ODAD4: variants seen among roughly 807,000 people sequenced by gnomAD.
ODAD4 encodes the protein outer dynein arm-docking complex subunit 4.
Under a neutral mutation model 51.8 loss-of-function variants are expected in ODAD4, and 49 were observed. The ratio of observed to expected loss-of-function variants is 0.95; its 90% confidence interval spans 0.75 to 1.20. The LOEUF (loss-of-function observed/expected upper bound fraction) is 1.20. Among genes scored for constraint, ODAD4 ranks in the 50% most tolerant of loss-of-function variants. The pLI is 0.00. For synonymous variants in ODAD4, 235 were observed against 221.3 expected, an observed-to-expected ratio of 1.06 and a Z score of -0.55; for missense variants, 590 against 586.5, an observed-to-expected ratio of 1.01 and a Z score of -0.06.
Position 41,966,110 on chromosome 17 carries a change from A to G in ODAD4, c.*627A>G, listed in dbSNP as rs2050883380. Among the ~76,000 whole-genome samples the G allele has an allele frequency of 6.6e-6, 1 of 152,216 alleles. No individual in the cohort carries two copies. Among genetic ancestry groups the G allele is most frequent in the South Asian group, 2.1e-4 (1 of 4,826 alleles). ...GATACCTGCCTCAGGGGTTGCTGCG[A>G]GGACTGAGTGCTTAGCACAGCACTT... On this transcript the variant is annotated 3_prime_UTR_variant, in exon 12 of 12. Coordinates refer to ENST00000377540, the MANE Select transcript of ODAD4 (RefSeq NM_031421.5).
intron 11 of ODAD4, among the ~76,000 whole-genome samples, chr17:41,962,836 G>A (rs2050823819): frequency 6.6e-6 from 1 of 152,226 alleles, no homozygotes; most frequent in Admixed American, 6.5e-5. Context: ...AGAGCCCAAT[G>A]CAGATTCTTG....
chr17:41,936,687 A>G lies in ODAD4; in HGVS notation c.460-75A>G, dbSNP rs2050432578. 7.6e-6 allele frequency: 12 copies of G among 1,575,692 alleles called. No individual in the cohort carries two copies. In the South Asian group the frequency reaches 1.1e-4, roughly 15 times the overall value. On this transcript the variant is annotated intron_variant, in intron 4 of 11. Transcript: ENST00000377540. ...CCTGGAGTTGGAGGAATCTGGGATC[A>G]CAGACCCTAGGGCCATGGCTGGGTA...
intron 8 of ODAD4, among the ~76,000 whole-genome samples, chr17:41,947,950 T>A (rs2050609472): frequency 6.7e-6 from 1 of 149,124 alleles, no homozygotes; most frequent in African/African-American, 2.5e-5. Flanking sequence ...GAAACCCCGT[T>A]TCTACTAAAA....
chr17:41,942,812 G>A lies in ODAD4; in HGVS notation c.1059-2324G>A, dbSNP rs539836211. On this transcript the variant is annotated intron_variant, in intron 7 of 11. Coordinates refer to ENST00000377540, the MANE Select transcript of ODAD4 (RefSeq NM_031421.5). ...GTCTGGATGCCATGCCTCGAAACCG[G>A]TTCAGCCCTCAGGCACTGAGGCCCA... Among the ~76,000 whole-genome samples, 3 of 152,308 alleles carry A rather than the reference G, an allele frequency of 2.0e-5. No individual in the cohort carries two copies. In the South Asian group the frequency reaches 6.2e-4, roughly 32 times the overall value.
chr17:41,950,351 G>A (rs1333661175), intron 9 of ODAD4, among the ~76,000 whole-genome samples: 4 of 151,742 alleles, frequency 2.6e-5, no homozygotes, highest in East Asian at 1.9e-4. Flanking sequence ...GGCACAGAGA[G>A]GTCCAGTAGA....
chr17:41,950,902 G>A lies in ODAD4; in HGVS notation c.1342+1553G>A, dbSNP rs1455934464. On this transcript the variant is annotated intron_variant, in intron 9 of 11. Transcript: ENST00000377540. ...TTTTTTGTATTTTTGTAGAGATGGG[G>A]TTTCACCATGTTGGTCAGGCTGGTC... 1.2e-3 allele frequency among the ~76,000 whole-genome samples: 185 copies of A among 150,594 alleles called. 1 individual carries two copies. Among genetic ancestry groups the A allele is most frequent in the African/African-American group, 4.4e-3 (182 of 40,918 alleles).
intron 10 of ODAD4, among the ~76,000 whole-genome samples, chr17:41,957,457 G>A (rs2050748387): frequency 6.6e-6 from 1 of 152,042 alleles, no homozygotes; most frequent in Admixed American, 6.6e-5. Flanking sequence ...CCGACCCTCC[G>A]CTTACCTCCT....
chr17:41,935,098 C>T, intron 1 of ODAD4, 119 bp from the exon 2 acceptor site: 1 of 1,230,462 alleles, frequency 8.1e-7, no homozygotes, highest in Non-Finnish European at 1.1e-6. Flanking sequence ...TCTTCAGAGC[C>T]TTGATTTCTT....
At chr17:41,958,183 A>C (rs918782987) in intron 10 of ODAD4, among the ~76,000 whole-genome samples, 3 of 152,102 alleles carry the variant, frequency 2.0e-5, no homozygotes, top group African/African-American at 7.2e-5. Flanking sequence ...CTCAACCTTT[A>C]GGTTTCAGCT....
chr17:41,935,722 C>G lies in ODAD4; in HGVS notation c.370C>G (p.Gln124Glu). The G allele has an allele frequency of 6.2e-7, 1 of 1,613,970 alleles. No individual in the cohort carries two copies. Among genetic ancestry groups the G allele is most frequent in the Non-Finnish European group, 8.5e-7 (1 of 1,179,880 alleles). Reference sequence around the variant, plus strand: ...ATTCAGAGTTGGCATTCAGAAAGCCCAGGAAGCCATCAACAACTCAGTGGG... The same window carrying G: ...ATTCAGAGTTGGCATTCAGAAAGCCGAGGAAGCCATCAACAACTCAGTGGG... ...REFRVGIQKAQEAINNSVGSP... is the reference protein window; with the variant it reads ...REFRVGIQKAEEAINNSVGSP... Residue 124 changes from glutamine (Q) to glutamate (E), a missense_variant, in exon 3 of 12, where the codon CAG becomes GAG. Physicochemically the swap from Gln to Glu is conservative, Grantham distance 29. Coordinates refer to ENST00000377540, the MANE Select transcript of ODAD4 (RefSeq NM_031421.5).
chr17:41,960,823 T>G (rs2050796338), intron 10 of ODAD4, among the ~76,000 whole-genome samples: 1 of 152,132 alleles, frequency 6.6e-6, no homozygotes. Context: ...GTGTAGCTGG[T>G]GTTCTGTCAG....
At chr17:41,943,981 C>T (rs954314030) in intron 7 of ODAD4, among the ~76,000 whole-genome samples, 5 of 152,030 alleles carry the variant, frequency 3.3e-5, no homozygotes, top group Non-Finnish European at 7.4e-5. Context: ...GGGTGAATCA[C>T]GAGGTCAGGA....
chr17:41,939,376 G>T (rs973881500), intron 7 of ODAD4, among the ~76,000 whole-genome samples: 6 of 152,300 alleles, frequency 3.9e-5, no homozygotes, highest in Admixed American at 6.5e-5. Context: ...CCACCAAAAG[G>T]GTAGTGGCTC....
chr17:41,937,075 G>A (rs782392818), intron 5 of ODAD4, 148 bp downstream of exon 5: 17 of 936,282 alleles, frequency 1.8e-5, no homozygotes, highest in Non-Finnish European at 2.7e-5. Context: ...TTTTACAGAT[G>A]AGGAAACTGA....
chr17:41,958,321 C>T (rs1421200854), intron 10 of ODAD4, among the ~76,000 whole-genome samples: 1 of 152,110 alleles, frequency 6.6e-6, no homozygotes, highest in African/African-American at 2.4e-5. Context: ...ATTGCCTAGA[C>T]TTCCATTGCT....
intron 7 of ODAD4, among the ~76,000 whole-genome samples, chr17:41,944,326 C>G (rs972153304): frequency 6.6e-6 from 1 of 151,222 alleles, no homozygotes; most frequent in Non-Finnish European, 1.5e-5. Context: ...ATTGTGCCAC[C>G]GCACTCCAAC....
intron 9 of ODAD4, among the ~76,000 whole-genome samples, chr17:41,954,504 C>T (rs1321040452): frequency 6.6e-6 from 1 of 151,850 alleles, no homozygotes; most frequent in Admixed American, 6.6e-5. Flanking sequence ...TGCATCCAGC[C>T]CTCTGTGCTT....
At chr17:41,952,505 G>A (rs911201731) in intron 9 of ODAD4, 6 of 253,848 alleles carry the variant, frequency 2.4e-5, no homozygotes, top group South Asian at 1.5e-4. Flanking sequence ...CTGCATTCCA[G>A]CCTGGGATAC....
chr17:41,959,148 C>T (rs557098115), intron 10 of ODAD4, among the ~76,000 whole-genome samples: 2 of 152,254 alleles, frequency 1.3e-5, no homozygotes, highest in African/African-American at 4.8e-5. Context: ...AGGGGAGAAA[C>T]TTGGAGGTGC....
Sources: allele counts gnomAD v4.1 joint callset (sites outside exome capture counted in the v4.1 genomes callset), GRCh38; gene constraint gnomAD v4.1.1; transcripts MANE v1.5; gene names NCBI Gene and HGNC (gene_info 2026-07-23, HGNC 2026-07-21).